Variants in PDE1A observed in about 807,000 individuals in gnomAD.
The protein encoded by PDE1A is phosphodiesterase 1A.
A neutral mutation model predicts 61.7 loss-of-function variants in PDE1A; 35 were observed. That is an observed-to-expected ratio of 0.57 (90% CI 0.43 to 0.75). The LOEUF is 0.75. Ranked by LOEUF, PDE1A falls within the 30% of genes least tolerant of loss-of-function variation. The pLI, the probability that PDE1A is intolerant of heterozygous loss-of-function variation, is 0.00. For missense variants in PDE1A, 597 were observed against 630.6 expected, an observed-to-expected ratio of 0.95 and a Z score of 0.57; for synonymous variants, 232 against 213.2, an observed-to-expected ratio of 1.09 and a Z score of -0.77.
exon 14 of PDE1A, chr2:182,168,176 A>G (rs1007113455): frequency 5.2e-6 from 8 of 1,547,778 alleles, no homozygotes; most frequent in Middle Eastern, 1.7e-4. Flanking sequence ...TCCAGCAAGC[A>G]TAATCAAAAT....
chr2:182,375,882 T>C (rs1389412635), intron 1 of PDE1A, among the ~76,000 whole-genome samples: 1 of 152,202 alleles, frequency 6.6e-6, no homozygotes, highest in Admixed American at 6.5e-5. Context: ...CTCAACACCA[T>C]GTGGAGGCTG....
chr2:182,697,166 T>C, the PDE1A span, among the ~76,000 whole-genome samples: 5 of 152,174 alleles, frequency 3.3e-5, no homozygotes, highest in Non-Finnish European at 7.4e-5. Context: ...GCAGAAAGCC[T>C]GTACTAAAAT....
chr2:182,199,909 T>C (rs556097929), intron 10 of PDE1A, among the ~76,000 whole-genome samples: 1 of 151,506 alleles, frequency 6.6e-6, no homozygotes, highest in South Asian at 2.1e-4. Flanking sequence ...AGTAATATAT[T>C]TGGTGTTTAT....
the PDE1A span, among the ~76,000 whole-genome samples, chr2:182,685,028 A>G: frequency 6.6e-6 from 1 of 151,136 alleles, no homozygotes; most frequent in Non-Finnish European, 1.5e-5. Context: ...TTTGACAAGC[A>G]TTTTAATAAT....
intron 1 of PDE1A, among the ~76,000 whole-genome samples, chr2:182,388,625 A>C (rs1409488031): frequency 6.6e-6 from 1 of 152,142 alleles, no homozygotes; most frequent in East Asian, 1.9e-4. Context: ...AAGACAAATG[A>C]AAATAAAAAC....
At chr2:182,187,737 C>CTTTTTTTGTTT (rs1685336117) in intron 11 of PDE1A, among the ~76,000 whole-genome samples, 1 of 66,380 alleles carries the variant, frequency 1.5e-5, no homozygotes, top group South Asian at 6.8e-4. Context: ...TTTTTTTGTT[C>CTTTTTTTGTTT]TTTTTTTTTT....
At chr2:182,383,618 T>C (rs1405182360) in intron 1 of PDE1A, among the ~76,000 whole-genome samples, 2 of 152,186 alleles carry the variant, frequency 1.3e-5, no homozygotes, top group Non-Finnish European at 2.9e-5. Flanking sequence ...TGGCAGAGTA[T>C]GGCCCTCCAG....
chr2:182,218,876 G>C (rs1559206965), intron 7 of PDE1A, among the ~76,000 whole-genome samples: 1 of 151,950 alleles, frequency 6.6e-6, no homozygotes, highest in African/African-American at 2.4e-5. Flanking sequence ...TGTGTTTATG[G>C]CTTTTCCTTC....
chr2:182,417,579 T>C (rs1388215095), intron 1 of PDE1A, among the ~76,000 whole-genome samples: 1 of 152,244 alleles, frequency 6.6e-6, no homozygotes, highest in East Asian at 1.9e-4. Context: ...ACATTTATCC[T>C]TCTTCATATT....
chr2:182,325,966 T>C (rs1181413361), intron 1 of PDE1A, among the ~76,000 whole-genome samples: 1 of 151,988 alleles, frequency 6.6e-6, no homozygotes, highest in African/African-American at 2.4e-5. Context: ...AGTTTAAAAA[T>C]TGGCAAAGAA....
chr2:182,314,506 TG>T (rs1241716792), intron 1 of PDE1A: 1 of 152,122 alleles, frequency 6.6e-6, no homozygotes, highest in African/African-American at 2.4e-5. Context: ...GAATAGCCAT[TG>T]CACTCCAGCC....
chr2:182,144,217 C>T (rs1486708981), downstream of PDE1A, among the ~76,000 whole-genome samples: 2 of 152,204 alleles, frequency 1.3e-5, no homozygotes, highest in Non-Finnish European at 2.9e-5. Flanking sequence ...GGAACACTTT[C>T]CTCCCAGTGG....
Position 182,201,742 on chromosome 2 carries a change from G to C in PDE1A, c.950C>G (p.Ser317Ter). ...ATTTTTAATTTGCTGGAAGTGACCT[G>C]ACATGTCTGTAGATAAAACCATTTC... Residue 317 changes from serine (S) to a stop codon, truncating the protein, a stop_gained, in exon 9 of 14, where the codon TCA becomes TGA. Transcript: ENST00000351439. LOFTEE classifies it high-confidence loss of function. 1 of 1,612,250 alleles carries C rather than the reference G, an allele frequency of 6.2e-7. No homozygotes were observed. The highest frequency in any genetic ancestry group is 8.5e-7 in the Non-Finnish European group (1 of 1,179,628).
intron 1 of PDE1A, among the ~76,000 whole-genome samples, chr2:182,390,562 T>G (rs1701362683): frequency 6.6e-6 from 1 of 152,186 alleles, no homozygotes; most frequent in Non-Finnish European, 1.5e-5. Context: ...AAGCATATAC[T>G]GAGCCTCAAA....
At chr2:182,613,049 G>C in the PDE1A span, among the ~76,000 whole-genome samples, 1 of 152,074 alleles carries the variant, frequency 6.6e-6, no homozygotes, top group African/African-American at 2.4e-5. Flanking sequence ...TTTTACATGA[G>C]AATTCAACAT....
chr2:182,201,813 A>G lies in PDE1A; in HGVS notation c.903-24T>C, dbSNP rs376682376. The G allele has an allele frequency of 7.8e-6, 11 of 1,416,802 alleles. No homozygotes were observed. In the African/African-American group the frequency reaches 1.6e-4, roughly 20 times the overall value. 87.8% of individuals were successfully genotyped at this position (1,416,802 alleles called of 1,614,324 possible). ...CCCTGCAGAGTCACCAAAAGGAGAAAGGTTCATTCAGCCATTTATTGTTCT... is the reference window on the plus strand; with the variant it reads ...CCCTGCAGAGTCACCAAAAGGAGAAGGGTTCATTCAGCCATTTATTGTTCT... On this transcript the variant is annotated intron_variant, in intron 8 of 13. Coordinates refer to ENST00000351439, the Ensembl canonical transcript of PDE1A.
At chr2:182,468,350 C>A (rs1056735542) in intron 2 of PDE1A, among the ~76,000 whole-genome samples, 2 of 151,970 alleles carry the variant, frequency 1.3e-5, no homozygotes, top group African/African-American at 4.8e-5. Flanking sequence ...ATGTTCATAG[C>A]ATCTTCACCA....
chr2:182,644,353 G>C, the PDE1A span, among the ~76,000 whole-genome samples: 1 of 148,784 alleles, frequency 6.7e-6, no homozygotes, highest in African/African-American at 2.5e-5. Flanking sequence ...GTTGTTATTA[G>C]ATCCAAACCA....
intron 1 of PDE1A, among the ~76,000 whole-genome samples, chr2:182,294,624 T>G (rs1436584718): frequency 6.6e-6 from 1 of 152,188 alleles, no homozygotes; most frequent in East Asian, 1.9e-4. Flanking sequence ...TTACCCTGTG[T>G]CTTTCAGCAT....
Sources: allele counts gnomAD v4.1 joint callset (sites outside exome capture counted in the v4.1 genomes callset), GRCh38; gene constraint gnomAD v4.1.1; transcripts MANE v1.5; gene names NCBI Gene and HGNC (gene_info 2026-07-23, HGNC 2026-07-21).